Variants in KCNH1 observed in about 807,000 individuals in gnomAD.
KCNH1 encodes voltage-gated delayed rectifier potassium channel KCNH1.
A neutral mutation model predicts 69.2 loss-of-function variants in KCNH1; 27 were observed. The observed-to-expected ratio is 0.39, with a 90% CI of 0.29 to 0.54. The LOEUF (loss-of-function observed/expected upper bound fraction) is 0.54, where lower values mean the gene tolerates loss of function less well. Ranked by LOEUF, KCNH1 falls within the 20% of genes least tolerant of loss-of-function variation. The probability of loss-of-function intolerance (pLI) is 0.68; values close to 1 mark genes in which losing one functional copy is unlikely to be tolerated. For synonymous variants in KCNH1, 456 were observed against 487.7 expected (o/e 0.93, Z 0.86); for missense variants, 798 against 1,261.6 (o/e 0.63, Z 5.57).
chr1:211,023,294 G>C (rs1689624086), intron 5 of KCNH1, among the ~76,000 whole-genome samples: 1 of 151,748 alleles, frequency 6.6e-6, no homozygotes, highest in African/African-American at 2.4e-5. Context: ...ATATGATTCA[G>C]CAATCCCATT....
intron 5 of KCNH1, among the ~76,000 whole-genome samples, chr1:211,072,139 G>T (rs1432575024): frequency 6.6e-6 from 1 of 152,108 alleles, no homozygotes; most frequent in African/African-American, 2.4e-5. Flanking sequence ...AGCCGTGCAT[G>T]GTGGCACACA....
Position 210,681,970 on chromosome 1 carries a change from G to A in KCNH1, c.*1311C>T, listed in dbSNP as rs933958377. 1 of 152,162 alleles carries A rather than the reference G, an allele frequency of 6.6e-6. No individual in the cohort carries two copies. The highest frequency in any genetic ancestry group is 2.4e-5 in the African/African-American group (1 of 41,434). 9.4% of individuals were successfully genotyped at this position (152,162 alleles called of 1,614,324 possible). A position where few individuals can be genotyped will look rare whatever the true frequency, so the allele number is the denominator to read the frequency against. ...TTAGGTGACCATGAGGCAGTGAAGTGTCCCCGAGCATCGTGGCATAGGGGC... is the reference window on the plus strand; with the variant it reads ...TTAGGTGACCATGAGGCAGTGAAGTATCCCCGAGCATCGTGGCATAGGGGC... On this transcript the variant is annotated 3_prime_UTR_variant, in exon 11 of 11. Coordinates refer to ENST00000271751, the MANE Select transcript of KCNH1 (RefSeq NM_172362.3).
At chr1:210,741,756 G>A (rs967740381) in intron 10 of KCNH1, among the ~76,000 whole-genome samples, 4 of 152,148 alleles carry the variant, frequency 2.6e-5, no homozygotes, top group Admixed American at 6.5e-5. Context: ...GGTACCAAGC[G>A]GAAATAGTCA....
At chr1:210,973,459 C>T (rs537956030) in intron 6 of KCNH1, among the ~76,000 whole-genome samples, 1 of 152,172 alleles carries the variant, frequency 6.6e-6, no homozygotes, top group South Asian at 2.1e-4. Context: ...AACATGATTC[C>T]CATCCATATA....
Position 210,683,113 on chromosome 1 carries a change from A to ATATC in KCNH1, c.*164_*167dup. 1.4e-6 allele frequency: 1 copy of ATATC among 717,686 alleles called. No individual in the cohort carries two copies. Among genetic ancestry groups the ATATC allele is most frequent in the Non-Finnish European group, 2.4e-6 (1 of 423,644 alleles). 44.5% of individuals were successfully genotyped at this position (717,686 alleles called of 1,614,324 possible). A position where few individuals can be genotyped will look rare whatever the true frequency, so the allele number is the denominator to read the frequency against. Reference sequence around the variant, plus strand: ...AGGGTAGGGGCACGCTACCCTTCCCATATCTTTTTCCAGATAGAGAAAGAG... The same window carrying ATATC: ...AGGGTAGGGGCACGCTACCCTTCCCATATCTATCTTTTTCCAGATAGAGAAAGAG... On this transcript the variant is annotated 3_prime_UTR_variant, in exon 11 of 11. Transcript: ENST00000271751. This position sits in a 1 kb window ranked among gnomAD's most constrained non-coding sequence, Gnocchi z 5.7.
At chr1:210,902,464 G>C (rs1401090753) in intron 7 of KCNH1, among the ~76,000 whole-genome samples, 2 of 152,192 alleles carry the variant, frequency 1.3e-5, no homozygotes, top group East Asian at 3.8e-4. Context: ...CATGGTGGTG[G>C]GAGGAAGCTG....
intron 10 of KCNH1, among the ~76,000 whole-genome samples, chr1:210,715,609 T>TAATC (rs537749436): frequency 9.9e-5 from 15 of 152,124 alleles, no homozygotes; most frequent in Admixed American, 2.6e-4. Context: ...GTTTGCATCA[T>TAATC]AATCATTAGG....
intron 10 of KCNH1, among the ~76,000 whole-genome samples, chr1:210,695,563 A>G (rs904218192): frequency 1.2e-4 from 18 of 152,190 alleles, no homozygotes; most frequent in African/African-American, 3.6e-4. Flanking sequence ...CCTTCCCTCA[A>G]TGATAAGTCT....
intron 6 of KCNH1, among the ~76,000 whole-genome samples, chr1:210,960,197 C>T (rs1036677470): frequency 6.6e-6 from 1 of 152,294 alleles, no homozygotes; most frequent in East Asian, 1.9e-4. Flanking sequence ...TAGAACATCA[C>T]CAATTTTAAT....
At chr1:211,053,262 A>G (rs1690238005) in intron 5 of KCNH1, among the ~76,000 whole-genome samples, 1 of 152,258 alleles carries the variant, frequency 6.6e-6, no homozygotes. Flanking sequence ...GAGTGTTTAA[A>G]GAGTTATCAG....
chr1:211,073,038 A>C (rs147269296), intron 5 of KCNH1, among the ~76,000 whole-genome samples: 2 of 152,354 alleles, frequency 1.3e-5, no homozygotes, highest in African/African-American at 4.8e-5. Flanking sequence ...GGAGAAAGAT[A>C]TATCATGCTA....
intron 1 of KCNH1, among the ~76,000 whole-genome samples, chr1:211,126,470 A>G (rs551837188): frequency 6.6e-6 from 1 of 151,096 alleles, no homozygotes; most frequent in East Asian, 2.0e-4. Flanking sequence ...AGATTGCGCC[A>G]CTGCATTCCA....
chr1:210,700,111 A>G (rs1218059318), intron 10 of KCNH1, among the ~76,000 whole-genome samples: 1 of 152,194 alleles, frequency 6.6e-6, no homozygotes, highest in African/African-American at 2.4e-5. Flanking sequence ...ACCACCATGC[A>G]AGTCAGGAAG....
intron 10 of KCNH1, among the ~76,000 whole-genome samples, chr1:210,745,083 G>A (rs1437915757): frequency 6.6e-6 from 1 of 152,220 alleles, no homozygotes. Flanking sequence ...CGTGCCTGTA[G>A]TCCCAGCTGT....
chr1:211,077,045 G>A (rs1456387804), intron 5 of KCNH1, among the ~76,000 whole-genome samples: 1 of 151,940 alleles, frequency 6.6e-6, no homozygotes, highest in Non-Finnish European at 1.5e-5. Context: ...TAAAGTGAGA[G>A]GAGAAGTTTA....
rs1219343077 is a variant in KCNH1 at position 210,737,756 on chromosome 1, C to T, written c.2112+37592G>A. On this transcript the variant is annotated intron_variant, in intron 10 of 10. Transcript: ENST00000271751. ...GCAACTGTCCACTCTCAAACACCCA[C>T]AGAAAGTACTGTTGTAGCATCTGGC... 2.0e-5 allele frequency among the ~76,000 whole-genome samples: 3 copies of T among 152,204 alleles called. No individual in the cohort carries two copies. In the East Asian group the frequency reaches 5.8e-4, roughly 29 times the overall value.
intron 8 of KCNH1, among the ~76,000 whole-genome samples, chr1:210,798,471 AGGG>A (rs1684367323): frequency 6.6e-6 from 1 of 152,218 alleles, no homozygotes; most frequent in African/African-American, 2.4e-5. Flanking sequence ...GTGAGGGCAA[AGGG>A]GCAGGAGATG....
Position 211,012,834 on chromosome 1 carries a change from G to C in KCNH1, c.1032+5949C>G, listed in dbSNP as rs559524836. ...AATATTGGCTCATCAATGATGACAA[G>C]TATACCACAGTAAGGCAAAATGTTA... On this transcript the variant is annotated intron_variant, in intron 6 of 10. Transcript: ENST00000271751. Among the ~76,000 whole-genome samples the C allele has an allele frequency of 8.2e-4, 125 of 152,248 alleles. 1 individual carries two copies. The highest frequency in any genetic ancestry group is 6.8e-3 in the Middle Eastern group (2 of 294).
intron 6 of KCNH1, among the ~76,000 whole-genome samples, chr1:211,016,261 G>A (rs952891304): frequency 6.6e-6 from 1 of 152,062 alleles, no homozygotes; most frequent in African/African-American, 2.4e-5. Context: ...TATACAGTTG[G>A]TTTGGAACTC....
Sources: allele counts gnomAD v4.1 joint callset (sites outside exome capture counted in the v4.1 genomes callset), GRCh38; gene constraint gnomAD v4.1.1; non-coding constraint Gnocchi (gnomAD v3.1); transcripts MANE v1.5; gene names NCBI Gene and HGNC (gene_info 2026-07-23, HGNC 2026-07-21).